Variants in PDE3A observed in about 807,000 individuals in gnomAD.
The protein encoded by PDE3A is phosphodiesterase 3A, also known as cGMP-inhibited 3',5'-cyclic phosphodiesterase 3A.
Under a neutral mutation model 98.3 loss-of-function variants are expected in PDE3A, and 43 were observed. The observed-to-expected ratio is 0.44, with a 90% confidence interval of 0.34 to 0.56. The LOEUF (loss-of-function observed/expected upper bound fraction) is 0.56, where lower values mean the gene tolerates loss of function less well. Ranked by LOEUF, PDE3A falls within the 20% of genes least tolerant of loss-of-function variation. The pLI is 0.01. For missense variants in PDE3A, 1,427 were observed against 1,440.7 expected, an observed-to-expected ratio of 0.99 and a Z score of 0.15; for synonymous variants, 663 against 567.9, an observed-to-expected ratio of 1.17 and a Z score of -2.38.
At position 20,676,068 on chromosome 12, in the gene PDE3A, C is replaced by T. The variant is rs541796713; in HGVS notation, c.3185-3962C>T. Among the ~76,000 whole-genome samples, 11 of 152,242 alleles carry T rather than the reference C, an allele frequency of 7.2e-5. No individual in the cohort carries two copies. The South Asian group carries it at 2.3e-3, about 32-fold the overall frequency. On this transcript the variant is annotated intron_variant, in intron 15 of 15. Coordinates refer to ENST00000359062, the MANE Select transcript of PDE3A (RefSeq NM_000921.5). ...ATATCTTTTGTTCCTTTCTCTCTCT[C>T]TCTCTCTGTCTTATTGTTTATCATT...
At chr12:20,439,373 C>G (rs892939932) in intron 1 of PDE3A, among the ~76,000 whole-genome samples, 4 of 151,958 alleles carry the variant, frequency 2.6e-5, no homozygotes, top group Non-Finnish European at 5.9e-5. Flanking sequence ...ATCATGTAGT[C>G]AACATAGAAA....
intron 1 of PDE3A, among the ~76,000 whole-genome samples, chr12:20,520,548 A>C (rs1946402042): frequency 6.6e-6 from 1 of 152,300 alleles, no homozygotes; most frequent in East Asian, 1.9e-4. Context: ...AATATTTCTT[A>C]TGTCTGCCAG....
chr12:20,536,551 C>G (rs957458648), intron 1 of PDE3A, among the ~76,000 whole-genome samples: 2 of 152,114 alleles, frequency 1.3e-5, no homozygotes, highest in Non-Finnish European at 2.9e-5. Flanking sequence ...CTCTCTACTA[C>G]TTCCAGGCTT....
chr12:20,596,435 C>T (rs1943467989), intron 2 of PDE3A, among the ~76,000 whole-genome samples: 2 of 152,150 alleles, frequency 1.3e-5, no homozygotes, highest in African/African-American at 4.8e-5. Context: ...TTAATTGTCT[C>T]ATAACATTCT....
At chr12:20,519,846 T>A (rs1407717636) in intron 1 of PDE3A, among the ~76,000 whole-genome samples, 3 of 152,030 alleles carry the variant, frequency 2.0e-5, no homozygotes, top group Non-Finnish European at 4.4e-5. Context: ...TTTTGGAAGA[T>A]GAGCTGGAGC....
chr12:20,464,719 T>G (rs1945310071), intron 1 of PDE3A, among the ~76,000 whole-genome samples: 1 of 152,128 alleles, frequency 6.6e-6, no homozygotes, highest in Non-Finnish European at 1.5e-5. Flanking sequence ...GAAGAGTGAG[T>G]GCAGGACTAT....
At chr12:20,675,907 T>A (rs1041276023) in intron 15 of PDE3A, among the ~76,000 whole-genome samples, 6 of 152,210 alleles carry the variant, frequency 3.9e-5, no homozygotes, top group Admixed American at 2.0e-4. Flanking sequence ...AGCACATAAT[T>A]AAGTCATGTT....
At chr12:20,392,354 CTG>C (rs1420919187) in intron 1 of PDE3A, among the ~76,000 whole-genome samples, 1 of 151,882 alleles carries the variant, frequency 6.6e-6, no homozygotes, top group Non-Finnish European at 1.5e-5. Flanking sequence ...ATAACTATCA[CTG>C]TAGGTCTAAA....
intron 1 of PDE3A, among the ~76,000 whole-genome samples, chr12:20,386,196 T>TATATATAA (rs1943794887): frequency 2.7e-5 from 2 of 73,884 alleles, no homozygotes; most frequent in Admixed American, 2.4e-4. Flanking sequence ...TATATATAAA[T>TATATATAA]ATATAAAAAT....
chr12:20,371,685 G>A (rs1943479741), intron 1 of PDE3A, among the ~76,000 whole-genome samples: 1 of 151,944 alleles, frequency 6.6e-6, no homozygotes, highest in East Asian at 1.9e-4. Context: ...TTTTTGTTTC[G>A]ATAAAACAAA....
intron 1 of PDE3A, among the ~76,000 whole-genome samples, chr12:20,417,986 T>A (rs1944450101): frequency 6.6e-6 from 1 of 152,138 alleles, no homozygotes; most frequent in African/African-American, 2.4e-5. Flanking sequence ...GAGCCGGGAT[T>A]GGAATTGCAG....
At position 20,427,189 on chromosome 12, in the gene PDE3A, T is replaced by A. The variant is rs117329890; in HGVS notation, c.960+56945T>A. On this transcript the variant is annotated intron_variant, in intron 1 of 15. Coordinates refer to ENST00000359062, the MANE Select transcript of PDE3A (RefSeq NM_000921.5). ...CAAAAATAGTTTGATACAGGACTCA[T>A]TGAATATTGTATTGTGTTGGGAACT... Among the ~76,000 whole-genome samples, 54 of 152,308 alleles carry A rather than the reference T, an allele frequency of 3.5e-4. 1 individual carries two copies. The East Asian group carries it at 8.9e-3, about 25-fold the overall frequency.
chr12:20,476,933 G>T (rs2120989852), intron 1 of PDE3A, among the ~76,000 whole-genome samples: 1 of 152,248 alleles, frequency 6.6e-6, no homozygotes, highest in South Asian at 2.1e-4. Context: ...CAATAAAGTG[G>T]CAGCTGAGCA....
chr12:20,464,598 C>A (rs573042294), intron 1 of PDE3A, among the ~76,000 whole-genome samples: 1 of 152,156 alleles, frequency 6.6e-6, no homozygotes, highest in South Asian at 2.1e-4. Flanking sequence ...GATGTTTTAC[C>A]GTGAGCTGAA....
rs1943401630 is a variant in PDE3A, at chr12:20,369,061, T to C, written c.-224T>C. Among the ~76,000 whole-genome samples the C allele has an allele frequency of 6.6e-6, 1 of 152,218 alleles. No homozygotes were observed. Among genetic ancestry groups the C allele is most frequent in the Non-Finnish European group, 1.5e-5 (1 of 68,034 alleles). ...GTTTTCAACTTGAGCGTGCTAGCCT[T>C]TAACTTGAAGAAGTCTCATTGGAGC... is the stretch of plus-strand genomic sequence containing the variant. On this transcript the variant is annotated 5_prime_UTR_variant, in exon 1 of 16. Coordinates refer to ENST00000359062, the MANE Select transcript of PDE3A (RefSeq NM_000921.5).
At chr12:20,472,924 A>T (rs1408233432) in intron 1 of PDE3A, among the ~76,000 whole-genome samples, 1 of 152,186 alleles carries the variant, frequency 6.6e-6, no homozygotes. Context: ...ATTCACCATC[A>T]TGGTAAATCT....
chr12:20,393,024 C>T (rs1234991814), intron 1 of PDE3A, among the ~76,000 whole-genome samples: 1 of 151,800 alleles, frequency 6.6e-6, no homozygotes, highest in Non-Finnish European at 1.5e-5. Flanking sequence ...TACAAACATA[C>T]AATTAGATGG....
chr12:20,467,761 C>G (rs1420281413), intron 1 of PDE3A, among the ~76,000 whole-genome samples: 2 of 150,990 alleles, frequency 1.3e-5, no homozygotes, highest in Non-Finnish European at 3.0e-5. Flanking sequence ...ATGGTGAAAC[C>G]CCATCTCTAC....
At chr12:20,504,961 G>A (rs984098670) in intron 1 of PDE3A, among the ~76,000 whole-genome samples, 1 of 152,002 alleles carries the variant, frequency 6.6e-6, no homozygotes, top group African/African-American at 2.4e-5. Flanking sequence ...CTGTTTTTCT[G>A]CCAGGCACTC....
Sources: gnomAD v4.1 joint callset for allele counts (sites outside exome capture counted in the v4.1 genomes callset) on GRCh38, gnomAD v4.1.1 for gene constraint, MANE v1.5 for transcripts, NCBI Gene and HGNC (gene_info 2026-07-23, HGNC 2026-07-21) for gene names.